RGL1: variants seen among roughly 807,000 people sequenced by gnomAD.
The protein encoded by RGL1 is ral guanine nucleotide dissociation stimulator-like 1.
In RGL1, 24 loss-of-function variants were observed where a neutral mutation model predicts 95.2. That is an observed-to-expected ratio of 0.25 (90% CI 0.18 to 0.35). RGL1 has a LOEUF of 0.35. Among genes scored for constraint, RGL1 ranks in the 10% least tolerant of loss-of-function variants. The pLI is 1.00. For synonymous variants in RGL1, 329 were observed against 344.9 expected (o/e 0.95, Z 0.51); for missense variants, 715 against 936.3 (o/e 0.76, Z 3.08).
chr1:183,886,201 G>A, intron 7 of RGL1, among the ~76,000 whole-genome samples: 1 of 152,074 alleles, frequency 6.6e-6, no homozygotes, highest in East Asian at 1.9e-4. Context: ...TTTGCCTTGA[G>A]TCTTCAGGTG....
chr1:183,671,848 G>A (rs1283971310), intron 1 of RGL1, among the ~76,000 whole-genome samples: 2 of 152,050 alleles, frequency 1.3e-5, no homozygotes, highest in African/African-American at 4.8e-5. Context: ...GGTTGCTGTT[G>A]AGAAATTCAT....
At chr1:183,870,349 C>T (rs1257926403) in intron 4 of RGL1, among the ~76,000 whole-genome samples, 7 of 126,998 alleles carry the variant, frequency 5.5e-5, no homozygotes, top group Non-Finnish European at 8.5e-5. Context: ...AGGTGTCTTC[C>T]GGCCAGGGTA....
At chr1:183,865,384 T>A (rs574217143) in intron 3 of RGL1, among the ~76,000 whole-genome samples, 2 of 152,242 alleles carry the variant, frequency 1.3e-5, no homozygotes, top group African/African-American at 4.8e-5. Flanking sequence ...GGCCTCAGTA[T>A]AGCTACAGCT....
intron 2 of RGL1, among the ~76,000 whole-genome samples, chr1:183,809,264 T>G (rs1229150993): frequency 6.6e-6 from 1 of 152,252 alleles, no homozygotes; most frequent in Non-Finnish European, 1.5e-5. Context: ...TAATTAAGAT[T>G]CAATTTTGGG....
At chr1:183,842,758 GTTA>G (rs1664150161) in intron 2 of RGL1, among the ~76,000 whole-genome samples, 1 of 152,186 alleles carries the variant, frequency 6.6e-6, no homozygotes, top group Non-Finnish European at 1.5e-5. Flanking sequence ...CTAAGTCTGG[GTTA>G]TTAAGCACTT....
intron 1 of RGL1, among the ~76,000 whole-genome samples, chr1:183,708,505 C>T (rs933295371): frequency 1.3e-5 from 2 of 152,168 alleles, no homozygotes; most frequent in African/African-American, 4.8e-5. Flanking sequence ...ACCCTCACCC[C>T]AGAAGACTGG....
intron 1 of RGL1, among the ~76,000 whole-genome samples, chr1:183,725,551 CA>C (rs200538237): frequency 3.3e-5 from 5 of 150,936 alleles, no homozygotes; most frequent in South Asian, 2.1e-4. Flanking sequence ...TATTAATAGC[CA>C]AAAAAAATAA....
intron 2 of RGL1, among the ~76,000 whole-genome samples, chr1:183,768,461 C>CTTTTTTT (rs71130639): frequency 4.8e-5 from 4 of 83,850 alleles, no homozygotes; most frequent in Non-Finnish European, 8.8e-5. Flanking sequence ...CTTTAGATAA[C>CTTTTTTT]TTTTTTTTTT....
At chr1:183,672,674 TTTAA>T (rs1391465473) in intron 1 of RGL1, among the ~76,000 whole-genome samples, 7 of 152,242 alleles carry the variant, frequency 4.6e-5, no homozygotes, top group African/African-American at 1.7e-4. Context: ...GATTTTGGTC[TTTAA>T]TTAATTTAAA....
chr1:183,764,969 T>C (rs1476823850), intron 2 of RGL1, among the ~76,000 whole-genome samples: 3 of 152,172 alleles, frequency 2.0e-5, no homozygotes, highest in African/African-American at 7.2e-5. Flanking sequence ...AGGAATCAGA[T>C]TCAACCTCCA....
chr1:183,888,443 G>A (rs909497461), intron 7 of RGL1, 31 bp from the exon 8 acceptor site: 2 of 1,255,116 alleles, frequency 1.6e-6, no homozygotes, highest in Non-Finnish European at 2.3e-6. Flanking sequence ...ATAGTTAAAT[G>A]CCTTTTATGT....
At chr1:183,827,568 A>G (rs769399305) in intron 2 of RGL1, among the ~76,000 whole-genome samples, 5 of 152,256 alleles carry the variant, frequency 3.3e-5, no homozygotes, top group African/African-American at 4.8e-5. Context: ...GTCGAATTGC[A>G]TAAGTAGATT....
chr1:183,866,100 A>G (rs1334331142), intron 4 of RGL1, 27 bp downstream of exon 4: 1 of 1,535,626 alleles, frequency 6.5e-7, no homozygotes, highest in Non-Finnish European at 9.0e-7. Flanking sequence ...TTTGCATTCT[A>G]AGCTCTCAGT....
At chr1:183,792,587 TAGAACTGATAAG>T (rs1182667155) in intron 2 of RGL1, among the ~76,000 whole-genome samples, 1 of 152,104 alleles carries the variant, frequency 6.6e-6, no homozygotes, top group African/African-American at 2.4e-5. Flanking sequence ...AAAGAATTCT[TAGAACTGATAAG>T]AGAATTCAGT....
intron 2 of RGL1, among the ~76,000 whole-genome samples, chr1:183,765,893 A>G (rs973187128): frequency 1.3e-4 from 20 of 152,304 alleles, no homozygotes; most frequent in Middle Eastern, 6.8e-3. Flanking sequence ...AATTTTTACT[A>G]ATAACATATT....
intron 1 of RGL1, among the ~76,000 whole-genome samples, chr1:183,726,418 C>A (rs892553695): frequency 6.6e-6 from 1 of 151,636 alleles, no homozygotes; most frequent in Admixed American, 6.6e-5. Flanking sequence ...CAAATATTAC[C>A]AATATAGATA....
At chr1:183,916,233 A>G (rs1668958321) in intron 15 of RGL1, among the ~76,000 whole-genome samples, 1 of 152,180 alleles carries the variant, frequency 6.6e-6, no homozygotes, top group Admixed American at 6.5e-5. Flanking sequence ...GTGCTTATAG[A>G]GTGATTAGGT....
At chr1:183,819,821 G>A (rs575655683) in intron 2 of RGL1, among the ~76,000 whole-genome samples, 3 of 148,048 alleles carry the variant, frequency 2.0e-5, no homozygotes, top group South Asian at 4.3e-4. Flanking sequence ...GTCTTGTTCT[G>A]TCGCCCAGTC....
chr1:183,651,348 A>G (rs78535748), intron 1 of RGL1, among the ~76,000 whole-genome samples: 12,424 of 152,248 alleles, frequency 0.082, 991 homozygotes, highest in African/African-American at 0.21. Flanking sequence ...CTCACTTATC[A>G]TATCACAAGT....
Sources: gnomAD v4.1 joint callset for allele counts (sites outside exome capture counted in the v4.1 genomes callset) on GRCh38, gnomAD v4.1.1 for gene constraint, MANE v1.5 for transcripts, NCBI Gene and HGNC (gene_info 2026-07-23, HGNC 2026-07-21) for gene names.